UNC13B: variants seen among roughly 807,000 people sequenced by gnomAD.
UNC13B encodes unc-13 homolog B.
Under a neutral mutation model 211.0 loss-of-function variants are expected in UNC13B, and 144 were observed. The observed-to-expected ratio is 0.68, with a 90% CI of 0.60 to 0.78. The LOEUF (loss-of-function observed/expected upper bound fraction) is 0.78, where lower values mean the gene tolerates loss of function less well. Among genes scored for constraint, UNC13B ranks in the 30% least tolerant of loss-of-function variants. The pLI, the probability that UNC13B is intolerant of heterozygous loss-of-function variation, is 0.00. For missense variants in UNC13B, 1,777 were observed against 2,002.0 expected (o/e 0.89, Z 2.14); for synonymous variants, 709 against 725.8 (o/e 0.98, Z 0.37).
At chr9:35,262,715 G>A (rs532537677) in intron 7 of UNC13B, among the ~76,000 whole-genome samples, 1 of 152,220 alleles carries the variant, frequency 6.6e-6, no homozygotes, top group Non-Finnish European at 1.5e-5. Flanking sequence ...TGGATCACTT[G>A]AGCCCAGGAG....
Position 35,304,468 on chromosome 9 carries a change from T to G in UNC13B, c.5064T>G (p.Asn1688Lys). 1 of 398,592 alleles carries G rather than the reference T, an allele frequency of 2.5e-6. No homozygotes were observed. Among genetic ancestry groups the G allele is most frequent in the Non-Finnish European group, 4.4e-6 (1 of 225,848 alleles). The allele number at this position is 398,592 out of a possible 1,614,324, so 24.7% of individuals were successfully genotyped here. A position where few individuals can be genotyped will look rare whatever the true frequency, so the allele number is the denominator to read the frequency against. Residue 1688 changes from asparagine (N) to lysine (K), a missense_variant, in exon 9 of 40, where the codon AAT (asparagine) becomes AAG (lysine). Coordinates refer to ENST00000635942, the MANE Select transcript of UNC13B (RefSeq NM_001371189.2). ...DLRNQPQTISNHVSSRDQIIE... is the reference protein window; with the variant it reads ...DLRNQPQTISKHVSSRDQIIE... The stretch of plus-strand genomic sequence containing the variant: ...GAAATCAGCCCCAAACTATTAGTAA[T>G]CATGTCTCAAGCAGAGATCAAATTA...
intron 11 of UNC13B, among the ~76,000 whole-genome samples, chr9:35,335,754 A>G (rs1831618175): frequency 6.6e-6 from 1 of 151,392 alleles, no homozygotes; most frequent in Non-Finnish European, 1.5e-5. Flanking sequence ...CAGTGGCACA[A>G]TCACGGCTCA....
rs1587510394 is a variant in UNC13B, at chr9:35,270,448, C to T, written c.526+11398C>T. 2.0e-5 allele frequency among the ~76,000 whole-genome samples: 3 copies of T among 151,968 alleles called. No homozygotes were observed. In the East Asian group the frequency reaches 5.8e-4, roughly 29 times the overall value. On this transcript the variant is annotated intron_variant, in intron 7 of 39. Coordinates refer to ENST00000635942, the MANE Select transcript of UNC13B (RefSeq NM_001371189.2). ...CACACACATATACATGTATATCTTC[C>T]AGTGAGAACCTCTGTTCCCAAGAAC...
Position 35,228,854 on chromosome 9 carries a change from A to G in UNC13B, c.52+810A>G, listed in dbSNP as rs78496704. Among the ~76,000 whole-genome samples, 343 of 152,068 alleles carry G rather than the reference A, an allele frequency of 2.3e-3. 5 individuals carry two copies. The East Asian group carries it at 0.048, about 21-fold the overall frequency. Reference sequence around the variant, plus strand: ...ATTGATTAATACTTGATTAATATTTAGGTTCCCAAGTTTTTGCTATTACAA... The same window carrying G: ...ATTGATTAATACTTGATTAATATTTGGGTTCCCAAGTTTTTGCTATTACAA... On this transcript the variant is annotated intron_variant, in intron 2 of 39. Transcript: ENST00000635942.
intron 1 of UNC13B, among the ~76,000 whole-genome samples, chr9:35,224,414 G>A (rs528023002): frequency 1.3e-5 from 2 of 152,236 alleles, no homozygotes; most frequent in African/African-American, 2.4e-5. Flanking sequence ...AATTGTAAAT[G>A]TGATTACTTT....
intron 1 of UNC13B, among the ~76,000 whole-genome samples, chr9:35,202,614 T>G (rs994177958): frequency 2.0e-5 from 3 of 152,202 alleles, no homozygotes; most frequent in Non-Finnish European, 2.9e-5. Context: ...TGGCCTTCTT[T>G]GTCTCTTTTG....
At chr9:35,233,639 T>C (rs1485944884) in intron 3 of UNC13B, among the ~76,000 whole-genome samples, 3 of 152,202 alleles carry the variant, frequency 2.0e-5, no homozygotes, top group Admixed American at 2.0e-4. Context: ...CATGATGTAT[T>C]ATGTGGCAGT....
At chr9:35,215,955 A>G (rs1275474765) in intron 1 of UNC13B, among the ~76,000 whole-genome samples, 1 of 152,156 alleles carries the variant, frequency 6.6e-6, no homozygotes, top group Non-Finnish European at 1.5e-5. Context: ...TACTAAGGCC[A>G]TTTTCAAGCC....
At chr9:35,377,344 C>A in intron 15 of UNC13B, 124 bp from the exon 16 acceptor site, 1 of 1,004,246 alleles carries the variant, frequency 1.0e-6, no homozygotes, top group Non-Finnish European at 1.5e-6. Flanking sequence ...TGCTTAATTG[C>A]TGAGAACTAG....
At chr9:35,163,878 T>A (rs1435165444) in intron 1 of UNC13B, among the ~76,000 whole-genome samples, 1 of 152,328 alleles carries the variant, frequency 6.6e-6, no homozygotes, top group South Asian at 2.1e-4. Flanking sequence ...CAGCAGGCCA[T>A]TGTCTTTTTG....
At chr9:35,199,981 A>G (rs996370705) in intron 1 of UNC13B, among the ~76,000 whole-genome samples, 9 of 152,230 alleles carry the variant, frequency 5.9e-5, no homozygotes, top group Admixed American at 6.5e-5. Flanking sequence ...TAGGTCTAAC[A>G]TGTAAGTCTT....
chr9:35,316,309 C>A (rs146594053), intron 11 of UNC13B, among the ~76,000 whole-genome samples: 445 of 152,272 alleles, frequency 2.9e-3, no homozygotes, highest in African/African-American at 1.0e-2. Flanking sequence ...ATGACTCTTA[C>A]ATTTCTAATT....
intron 1 of UNC13B, among the ~76,000 whole-genome samples, chr9:35,183,523 C>T (rs1176242764): frequency 2.2e-5 from 3 of 135,292 alleles, no homozygotes; most frequent in African/African-American, 5.6e-5. Flanking sequence ...GGCAGAGGCT[C>T]CCCCAACCTC....
intron 6 of UNC13B, among the ~76,000 whole-genome samples, chr9:35,252,156 A>G (rs1398310924): frequency 1.3e-5 from 2 of 152,162 alleles, no homozygotes; most frequent in Non-Finnish European, 2.9e-5. Flanking sequence ...TTTGAAGATT[A>G]GGTTATAGTT....
intron 6 of UNC13B, among the ~76,000 whole-genome samples, chr9:35,251,181 G>C (rs1444676169): frequency 1.3e-5 from 2 of 151,900 alleles, no homozygotes; most frequent in Non-Finnish European, 2.9e-5. Flanking sequence ...AGCCAGGACG[G>C]TCTCGATCCT....
rs536102223 is a variant in UNC13B, at chr9:35,321,049, A to G, written c.9414+7060A>G. On this transcript the variant is annotated intron_variant, in intron 11 of 39. Transcript: ENST00000635942. Reference sequence around the variant, plus strand: ...TTATATAAGCTTTATATACATGAACATAAATTTACTGAATTTAGATCATAA... The same window carrying G: ...TTATATAAGCTTTATATACATGAACGTAAATTTACTGAATTTAGATCATAA... Among the ~76,000 whole-genome samples the G allele has an allele frequency of 1.9e-4, 29 of 152,300 alleles. 1 individual carries two copies. In the South Asian group the frequency reaches 4.1e-3, roughly 22 times the overall value.
At chr9:35,389,801 C>T (rs1238533576) in intron 24 of UNC13B, 45 bp from the exon 25 acceptor site, 2 of 1,607,794 alleles carry the variant, frequency 1.2e-6, no homozygotes, top group African/African-American at 2.7e-5. Context: ...CTACATTCTA[C>T]TCTGACTCTT....
Position 35,303,575 on chromosome 9 carries a change from T to C in UNC13B, c.4171T>C (p.Leu1391=). ...TAGATTTCTATCAGCCGATGCTTGC[T>C]TGTGGCTTGACTCAGAAAACTCAGT... The part of the protein sequence containing the change: ...QNRFLSADAC[L]WLDSENSVIN... The change falls in exon 9 of 40, where the codon TTG becomes CTG. Residue 1391 remains leucine, a synonymous_variant. Coordinates refer to ENST00000635942, the MANE Select transcript of UNC13B (RefSeq NM_001371189.2). 2.5e-6 allele frequency: 1 copy of C among 398,774 alleles called. No homozygotes were observed. Among genetic ancestry groups the C allele is most frequent in the Non-Finnish European group, 4.4e-6 (1 of 225,852 alleles). 24.7% of individuals were successfully genotyped at this position (398,774 alleles called of 1,614,324 possible).
At chr9:35,285,336 A>C (rs536278527) in intron 7 of UNC13B, among the ~76,000 whole-genome samples, 1 of 152,354 alleles carries the variant, frequency 6.6e-6, no homozygotes, top group East Asian at 1.9e-4. Context: ...GAGAGTCACC[A>C]AGTTTCTTGT....
Sources: gnomAD v4.1 joint callset for allele counts (sites outside exome capture counted in the v4.1 genomes callset) on GRCh38, gnomAD v4.1.1 for gene constraint, MANE v1.5 for transcripts, NCBI Gene and HGNC (gene_info 2026-07-23, HGNC 2026-07-21) for gene names.